Variants in C17orf67 observed in about 807,000 individuals in gnomAD.
C17orf67 encodes the protein uncharacterized protein C17orf67.
A neutral mutation model predicts 11.2 loss-of-function variants in C17orf67; 12 were observed. The observed-to-expected ratio is 1.07, with a 90% CI of 0.68 to 1.73. The LOEUF (loss-of-function observed/expected upper bound fraction) is 1.73. Ranked by LOEUF, C17orf67 falls within the 40% of genes most tolerant of loss-of-function variation. C17orf67 has a pLI of 0.00. For missense variants in C17orf67, 115 were observed against 113.5 expected, an observed-to-expected ratio of 1.01 and a Z score of -0.06; for synonymous variants, 59 against 46.9, an observed-to-expected ratio of 1.26 and a Z score of -1.05.
intron 4 of C17orf67, among the ~76,000 whole-genome samples, chr17:56,822,501 T>C (rs1905928057): frequency 1.3e-5 from 2 of 152,166 alleles, no homozygotes; most frequent in African/African-American, 2.4e-5. Flanking sequence ...AAAAGAATTA[T>C]AATAAAATTC....
intron 6 of C17orf67, among the ~76,000 whole-genome samples, chr17:56,797,302 C>G (rs759369908): frequency 6.6e-6 from 1 of 151,978 alleles, no homozygotes; most frequent in Non-Finnish European, 1.5e-5. Context: ...GGTGGAGAAC[C>G]CTTAGAGGAG....
intron 6 of C17orf67, among the ~76,000 whole-genome samples, chr17:56,805,261 G>A (rs141243820): frequency 1.3e-5 from 2 of 152,246 alleles, no homozygotes; most frequent in African/African-American, 2.4e-5. Context: ...GAGTTAACCA[G>A]GTAAACAAGA....
intron 6 of C17orf67, among the ~76,000 whole-genome samples, chr17:56,809,926 C>A (rs1905565960): frequency 6.7e-6 from 1 of 148,154 alleles, no homozygotes; most frequent in Non-Finnish European, 1.5e-5. Context: ...CCCTCACACA[C>A]CCCTCACACA....
chr17:56,829,343 A>G (rs1281222323), intron 2 of C17orf67, among the ~76,000 whole-genome samples: 2 of 152,230 alleles, frequency 1.3e-5, no homozygotes, highest in Non-Finnish European at 2.9e-5. Context: ...GGTTTAAAGA[A>G]GAAAAGAAAA....
chr17:56,797,589 G>A (rs1394249462), intron 6 of C17orf67, among the ~76,000 whole-genome samples: 1 of 152,180 alleles, frequency 6.6e-6, no homozygotes, highest in East Asian at 1.9e-4. Context: ...AGGATGATGA[G>A]GAGTGGCAGG....
At chr17:56,817,629 C>T (rs953759397) in intron 4 of C17orf67, among the ~76,000 whole-genome samples, 11 of 150,972 alleles carry the variant, frequency 7.3e-5, no homozygotes, top group Non-Finnish European at 1.6e-4. Flanking sequence ...GATTTTTTTT[C>T]TTCCTTGCAG....
rs145222265 is a variant in C17orf67 at position 56,795,052 on chromosome 17, G to A, written c.*12C>T. ...GAGAGAAGGAGACGTACCGAGGCTG[G>A]TCCTGATCCCCTTACACAGGATGAA... On this transcript the variant is annotated 3_prime_UTR_variant, in exon 7 of 8. Coordinates refer to ENST00000397861, the MANE Select transcript of C17orf67 (RefSeq NM_001085430.4). 1.6e-4 allele frequency: 251 copies of A among 1,607,396 alleles called. No individual in the cohort carries two copies. The African/African-American group carries it at 2.7e-3, about 17-fold the overall frequency.
At position 56,833,217 on chromosome 17, in the gene C17orf67, G is replaced by A. The variant is rs189829242; in HGVS notation, c.-876C>T. On this transcript the variant is annotated 5_prime_UTR_variant, in exon 2 of 8. Coordinates refer to ENST00000397861, the MANE Select transcript of C17orf67 (RefSeq NM_001085430.4). ...TTCTTCGGGGGTGCTGAGCAGCGGT[G>A]CTTCCGCGTCCGCGTTCTCCGGGTA... 0.014 allele frequency: 2,213 copies of A among 153,800 alleles called. 23 individuals carry two copies. The highest frequency in any genetic ancestry group is 0.02 in the Non-Finnish European group (1,369 of 68,680). The allele number at this position is 153,800 out of a possible 1,614,324, so 9.5% of individuals were successfully genotyped here.
intron 6 of C17orf67, among the ~76,000 whole-genome samples, chr17:56,801,854 C>G (rs917411994): frequency 1.3e-5 from 2 of 152,204 alleles, no homozygotes; most frequent in African/African-American, 4.8e-5. Context: ...ACTTGTTCAA[C>G]TATTCTGTGG....
chr17:56,826,850 C>A (rs527681647), intron 2 of C17orf67, among the ~76,000 whole-genome samples: 1 of 152,300 alleles, frequency 6.6e-6, no homozygotes, highest in South Asian at 2.1e-4. Context: ...TGGGTTTTTT[C>A]ATCTGTAAAA....
intron 2 of C17orf67, among the ~76,000 whole-genome samples, chr17:56,832,163 A>T (rs957894009): frequency 1.3e-5 from 2 of 152,050 alleles, no homozygotes; most frequent in Admixed American, 1.3e-4. Flanking sequence ...GACCAGGCTG[A>T]TCTTGAATTC....
intron 2 of C17orf67, among the ~76,000 whole-genome samples, chr17:56,828,107 C>CAAAA (rs11379714): frequency 9.1e-6 from 1 of 109,316 alleles, no homozygotes; most frequent in Non-Finnish European, 1.9e-5. Context: ...GACTCAGTCT[C>CAAAA]AAAAAAAAAA....
In C17orf67 at chr17:56,825,208, G is replaced by T. The variant is rs1273313926; in HGVS notation, c.-443C>A. 1 of 152,190 alleles carries T rather than the reference G, an allele frequency of 6.6e-6. No homozygotes were observed. The allele number at this position is 152,190 out of a possible 1,614,324, so 9.4% of individuals were successfully genotyped here. ...GCAGGTGATTCAAAATCCACACTCT[G>T]CGGTACCCTAAATGGTTGAAGAGCA... is the stretch of plus-strand genomic sequence containing the variant. On this transcript the variant is annotated 5_prime_UTR_variant, in exon 3 of 8. Transcript: ENST00000397861.
At chr17:56,802,168 C>T (rs958215527) in intron 6 of C17orf67, among the ~76,000 whole-genome samples, 1 of 152,120 alleles carries the variant, frequency 6.6e-6, no homozygotes. Context: ...TTCGCCTGGC[C>T]GTGGGACCCA....
At chr17:56,819,840 T>A (rs955085688) in intron 4 of C17orf67, among the ~76,000 whole-genome samples, 1 of 151,874 alleles carries the variant, frequency 6.6e-6, no homozygotes, top group African/African-American at 2.4e-5. Context: ...TCCCAATAAA[T>A]CCACAAGGTG....
intron 6 of C17orf67, among the ~76,000 whole-genome samples, chr17:56,806,247 T>A (rs1905449235): frequency 1.3e-5 from 2 of 152,182 alleles, no homozygotes; most frequent in Non-Finnish European, 1.5e-5. Flanking sequence ...GTGCTGGGAT[T>A]GCAGGCGTGA....
In C17orf67 at chr17:56,814,957, A is replaced by G. The variant is rs747041841; in HGVS notation, c.68T>C (p.Ile23Thr). Residue 23 changes from isoleucine to threonine, a missense_variant, in exon 6 of 8, where the codon ATT becomes ACT. Physicochemically the swap from Ile to Thr is moderately conservative, Grantham distance 89 (BLOSUM62 -1). Coordinates refer to ENST00000397861, the MANE Select transcript of C17orf67 (RefSeq NM_001085430.4). ...LLTVFSETSP[I>T]LTEKQAKQLL... ...CTGTTTGGCCTGCTTCTCTGTCAAA[A>G]TCGGGGAGGTCTCTGGAAAAGTCGG... The G allele has an allele frequency of 1.2e-6, 2 of 1,614,050 alleles. No individual in the cohort carries two copies. Among genetic ancestry groups the G allele is most frequent in the Non-Finnish European group, 1.7e-6 (2 of 1,179,948 alleles).
rs187042670 is a variant in C17orf67 at position 56,793,462 on chromosome 17, C to A, written c.*21-1110G>T. On this transcript the variant is annotated intron_variant, in intron 7 of 7. Transcript: ENST00000397861. ...TGCCTGTCCTACCAAGAATCAGAGG[C>A]CTCAGTCACCCTTGGAGGGTACTAC... Among the ~76,000 whole-genome samples the A allele has an allele frequency of 2.0e-5, 3 of 152,314 alleles. No individual in the cohort carries two copies. The East Asian group carries it at 5.8e-4, about 29-fold the overall frequency.
intron 6 of C17orf67, among the ~76,000 whole-genome samples, chr17:56,799,691 C>G (rs1370999883): frequency 6.6e-6 from 1 of 152,176 alleles, no homozygotes; most frequent in East Asian, 1.9e-4. Flanking sequence ...GCATTTCCAC[C>G]AGCAATGAGT....
Sources: allele counts gnomAD v4.1 joint callset (sites outside exome capture counted in the v4.1 genomes callset), GRCh38; gene constraint gnomAD v4.1.1; transcripts MANE v1.5; gene names NCBI Gene and HGNC (gene_info 2026-07-23, HGNC 2026-07-21).